Variants in NCAM2 observed in about 807,000 individuals in gnomAD.
NCAM2 encodes the protein N-CAM-2.
NCAM2 carries 30 observed loss-of-function variants against 98.1 expected under a neutral mutation model. That is an observed-to-expected ratio of 0.31 (90% CI 0.23 to 0.41). NCAM2 has a LOEUF of 0.41. Among genes scored for constraint, NCAM2 ranks in the 10% least tolerant of loss-of-function variants. The pLI is 1.00. For missense variants in NCAM2, 867 were observed against 1,005.8 expected (o/e 0.86, Z 1.87); for synonymous variants, 368 against 342.4 (o/e 1.07, Z -0.83).
At chr21:21,489,423 C>T (rs1367943422) in intron 15 of NCAM2, among the ~76,000 whole-genome samples, 2 of 151,902 alleles carry the variant, frequency 1.3e-5, no homozygotes, top group Admixed American at 6.6e-5. Context: ...CTCCATTTCT[C>T]TCTTTTGTTC....
intron 12 of NCAM2, among the ~76,000 whole-genome samples, chr21:21,462,268 C>A (rs2146196341): frequency 6.6e-6 from 1 of 152,116 alleles, no homozygotes; most frequent in Admixed American, 6.6e-5. Flanking sequence ...TCTGGGGAGA[C>A]TGTAATTGCT....
rs150174353 is a variant in NCAM2 at position 21,118,266 on chromosome 21, G to A, written c.55+119648G>A. 2.1e-3 allele frequency among the ~76,000 whole-genome samples: 315 copies of A among 152,236 alleles called. 5 individuals carry two copies. The South Asian group carries it at 0.027, about 13-fold the overall frequency. ...CATCAGCAAGAAGCTAGGCATAGGC[G>A]TACAAGTCACTATAATACATGCCTG... On this transcript the variant is annotated intron_variant, in intron 1 of 17. Transcript: ENST00000400546.
intron 1 of NCAM2, among the ~76,000 whole-genome samples, chr21:21,071,866 T>TCTGC (rs1188564458): frequency 8.9e-5 from 10 of 112,990 alleles, no homozygotes; most frequent in African/African-American, 3.5e-4. Flanking sequence ...ATTTGTCATG[T>TCTGC]CTGCCTATCT....
chr21:21,071,865 GTCTGCCTATCTA>G (rs1373020457), intron 1 of NCAM2, among the ~76,000 whole-genome samples: 3 of 136,760 alleles, frequency 2.2e-5, no homozygotes, highest in African/African-American at 5.6e-5. Flanking sequence ...TATTTGTCAT[GTCTGCCTATCTA>G]TCTATCTATC....
chr21:21,341,979 G>C (rs1461013004), intron 8 of NCAM2, among the ~76,000 whole-genome samples: 1 of 152,048 alleles, frequency 6.6e-6, no homozygotes, highest in Non-Finnish European at 1.5e-5. Context: ...AAAAGGAGTG[G>C]TTAGGAAGTG....
chr21:21,262,214 A>C (rs960285935), intron 1 of NCAM2, among the ~76,000 whole-genome samples: 1 of 152,100 alleles, frequency 6.6e-6, no homozygotes, highest in African/African-American at 2.4e-5. Flanking sequence ...ATCAGTAATA[A>C]ATAATCCACC....
At chr21:21,198,437 A>G (rs751304079) in intron 1 of NCAM2, among the ~76,000 whole-genome samples, 20 of 152,188 alleles carry the variant, frequency 1.3e-4, no homozygotes, top group Admixed American at 7.9e-4. Context: ...TAAAAAATGC[A>G]CTGAATTATC....
intron 1 of NCAM2, among the ~76,000 whole-genome samples, chr21:21,235,488 T>C (rs901381294): frequency 6.6e-6 from 1 of 152,096 alleles, no homozygotes; most frequent in Admixed American, 6.6e-5. Flanking sequence ...CAATTCATTA[T>C]ATTTAATTGA....
intron 4 of NCAM2, chr21:21,290,004 C>T (rs1324729341): frequency 6.6e-6 from 1 of 151,826 alleles, no homozygotes; most frequent in Non-Finnish European, 1.5e-5. Context: ...ATTGGGTCTG[C>T]AGACTCAGAG....
chr21:21,451,845 G>C (rs1458006298), intron 12 of NCAM2, among the ~76,000 whole-genome samples: 1 of 152,054 alleles, frequency 6.6e-6, no homozygotes, highest in Non-Finnish European at 1.5e-5. Context: ...TTGTGACACA[G>C]AAACACATAG....
chr21:21,060,656 T>C (rs917071270), intron 1 of NCAM2, among the ~76,000 whole-genome samples: 4 of 152,136 alleles, frequency 2.6e-5, no homozygotes, highest in Non-Finnish European at 2.9e-5. Context: ...ATTGGAATAC[T>C]GCAGTGTTTC....
chr21:21,329,814 T>G (rs1293780386), intron 6 of NCAM2, among the ~76,000 whole-genome samples: 1 of 152,154 alleles, frequency 6.6e-6, no homozygotes, highest in Non-Finnish European at 1.5e-5. Context: ...CACATTTAAG[T>G]ACAAATTCAA....
intron 12 of NCAM2, among the ~76,000 whole-genome samples, chr21:21,445,409 A>G (rs1483199245): frequency 6.6e-6 from 1 of 151,966 alleles, no homozygotes; most frequent in Non-Finnish European, 1.5e-5. Context: ...TGTCTTGTTG[A>G]TTTGTCTAAT....
intron 5 of NCAM2, among the ~76,000 whole-genome samples, chr21:21,313,835 A>C (rs1297787001): frequency 6.6e-6 from 1 of 152,022 alleles, no homozygotes; most frequent in Non-Finnish European, 1.5e-5. Flanking sequence ...GTTTCTGGCT[A>C]TATCTGTTTT....
At chr21:21,130,423 A>G (rs948486386) in intron 1 of NCAM2, among the ~76,000 whole-genome samples, 2 of 152,168 alleles carry the variant, frequency 1.3e-5, no homozygotes, top group Non-Finnish European at 2.9e-5. Flanking sequence ...AAGATGTTGA[A>G]TAATATATAA....
At chr21:21,107,654 G>A (rs1848816520) in intron 1 of NCAM2, among the ~76,000 whole-genome samples, 1 of 151,994 alleles carries the variant, frequency 6.6e-6, no homozygotes, top group African/African-American at 2.4e-5. Context: ...AGCATTAAGG[G>A]AAGACTCTAA....
At chr21:21,217,072 A>G (rs572055212) in intron 1 of NCAM2, among the ~76,000 whole-genome samples, 2 of 152,350 alleles carry the variant, frequency 1.3e-5, no homozygotes, top group East Asian at 1.9e-4. Context: ...GGGTATACAT[A>G]GCACAGGATA....
chr21:21,534,442 G>A (rs1989875040), intron 16 of NCAM2, 95 bp from the exon 17 acceptor site: 1 of 1,041,966 alleles, frequency 9.6e-7, no homozygotes. Context: ...TTTATTTGGA[G>A]GAAGGTAGAA....
At chr21:21,237,403 C>T (rs2070874626) in intron 1 of NCAM2, among the ~76,000 whole-genome samples, 1 of 152,064 alleles carries the variant, frequency 6.6e-6, no homozygotes, top group Non-Finnish European at 1.5e-5. Context: ...TATTTTATAG[C>T]AAATTGTAGT....
Sources: gnomAD v4.1 joint callset for allele counts (sites outside exome capture counted in the v4.1 genomes callset) on GRCh38, gnomAD v4.1.1 for gene constraint, MANE v1.5 for transcripts, NCBI Gene and HGNC (gene_info 2026-07-23, HGNC 2026-07-21) for gene names.